The following ELF5 variants were observed in gnomAD, a reference collection of about 807,000 sequenced individuals.
ELF5 encodes E74 like ETS transcription factor 5, also known as ETS-related transcription factor Elf-5.
A neutral mutation model predicts 38.2 loss-of-function variants in ELF5; 31 were observed. The ratio of observed to expected loss-of-function variants is 0.81; its 90% confidence interval spans 0.61 to 1.10. The LOEUF (loss-of-function observed/expected upper bound fraction) is 1.10, where lower values mean the gene tolerates loss of function less well. ELF5 is among the 50% of genes least tolerant of loss of function. The pLI is 0.00. For synonymous variants in ELF5, 121 were observed against 112.5 expected, an observed-to-expected ratio of 1.08 and a Z score of -0.48; for missense variants, 300 against 306.6, an observed-to-expected ratio of 0.98 and a Z score of 0.16.
intron 2 of ELF5, among the ~76,000 whole-genome samples, chr11:34,502,460 T>C (rs1850496525): frequency 6.6e-6 from 1 of 152,214 alleles, no homozygotes; most frequent in Non-Finnish European, 1.5e-5. Flanking sequence ...TCCAAATGGC[T>C]GCACCTCTCT....
chr11:34,511,422 T>A, intron 1 of ELF5: 1 of 1,347,840 alleles, frequency 7.4e-7, no homozygotes, highest in Non-Finnish European at 1.0e-6. Context: ...TGGAATCAGT[T>A]TCCCCCAAAT....
rs1414053475 is a variant in ELF5, at chr11:34,490,007, A to T, written c.406+2T>A. 1 of 1,614,130 alleles carries T rather than the reference A, an allele frequency of 6.2e-7. No homozygotes were observed. Among genetic ancestry groups the T allele is most frequent in the East Asian group, 2.2e-5 (1 of 44,894 alleles). ...TTGGGTGGCTTGCGCTTGGTTACTT[A>T]CAGTCTTTGATGGTGGCCTTGCTTT... On this transcript the variant is annotated splice_donor_variant, in intron 4 of 6. Coordinates refer to ENST00000257832, the MANE Select transcript of ELF5 (RefSeq NM_001422.4). LOFTEE classifies it high-confidence loss of function.
chr11:34,486,746 A>T (rs971377998), intron 4 of ELF5, among the ~76,000 whole-genome samples: 20 of 152,264 alleles, frequency 1.3e-4, no homozygotes, highest in African/African-American at 4.3e-4. Context: ...CAAGGATTAA[A>T]TGTGATAATG....
At chr11:34,504,324 A>G (rs1162898449) in intron 2 of ELF5, among the ~76,000 whole-genome samples, 2 of 152,250 alleles carry the variant, frequency 1.3e-5, no homozygotes, top group East Asian at 3.8e-4. Flanking sequence ...GGAGAATTGT[A>G]AGATGTATCT....
chr11:34,503,272 T>C (rs1449059651), intron 2 of ELF5, among the ~76,000 whole-genome samples: 12 of 146,560 alleles, frequency 8.2e-5, no homozygotes, highest in South Asian at 2.2e-4. Context: ...GATCCTCCTG[T>C]CTCAGCCTCC....
At chr11:34,507,651 A>T (rs556117356) in intron 1 of ELF5, among the ~76,000 whole-genome samples, 1 of 152,324 alleles carries the variant, frequency 6.6e-6, no homozygotes, top group East Asian at 1.9e-4. Flanking sequence ...GCCACTCTCT[A>T]CTGAATCCCA....
chr11:34,497,661 G>T (rs1158044966), intron 2 of ELF5, among the ~76,000 whole-genome samples: 4 of 152,224 alleles, frequency 2.6e-5, no homozygotes, highest in African/African-American at 9.6e-5. Context: ...TCATGCCAAA[G>T]TGCACAATGG....
intron 2 of ELF5, among the ~76,000 whole-genome samples, chr11:34,502,747 T>C (rs1304543171): frequency 6.6e-6 from 1 of 152,220 alleles, no homozygotes; most frequent in Non-Finnish European, 1.5e-5. Context: ...GCTATTTTAT[T>C]TTCACTGGCC....
chr11:34,496,213 C>T (rs959150507), intron 2 of ELF5, among the ~76,000 whole-genome samples: 4 of 152,364 alleles, frequency 2.6e-5, no homozygotes, highest in African/African-American at 9.6e-5. Context: ...GCGCTGGCTC[C>T]CTGCTCCTCG....
chr11:34,492,921 C>T (rs1850212465), intron 3 of ELF5: 2 of 166,754 alleles, frequency 1.2e-5, no homozygotes, highest in Non-Finnish European at 2.7e-5. Context: ...GACATTAGAG[C>T]TCGATGTTCT....
intron 4 of ELF5, among the ~76,000 whole-genome samples, chr11:34,488,096 A>C (rs12797274): frequency 0.22 from 34,085 of 151,998 alleles, 5,035 homozygotes; most frequent in Non-Finnish European, 0.32. Flanking sequence ...TTTAAATGCA[A>C]TCTTTCCCCA....
In ELF5 at chr11:34,511,980, A is replaced by G. The variant is rs1419097849; in HGVS notation, c.-5+1697T>C. Among the ~76,000 whole-genome samples the G allele has an allele frequency of 2.0e-5, 3 of 152,202 alleles. No homozygotes were observed. In the East Asian group the frequency reaches 5.8e-4, roughly 29 times the overall value. On this transcript the variant is annotated intron_variant, in intron 1 of 6. Transcript: ENST00000257832. ...TGCAAAATATAGAAAAAAGTGGCCA[A>G]GATTGGGCTTCCTCAACCCCACCCT... is the stretch of plus-strand genomic sequence containing the variant.
chr11:34,480,736 C>G (rs762636631), intron 6 of ELF5, 36 bp downstream of exon 6: 1 of 1,603,596 alleles, frequency 6.2e-7, no homozygotes, highest in Non-Finnish European at 8.5e-7. Flanking sequence ...TATAACTCTT[C>G]TTGAAGGCTC....
chr11:34,501,660 G>T (rs918006114), intron 2 of ELF5, among the ~76,000 whole-genome samples: 1 of 152,056 alleles, frequency 6.6e-6, no homozygotes, highest in Non-Finnish European at 1.5e-5. Context: ...GGCAAGGCAG[G>T]GTAAGTTCAT....
chr11:34,480,605 TG>T (rs1432423725), intron 6 of ELF5, among the ~76,000 whole-genome samples, 166 bp downstream of exon 6: 1 of 152,192 alleles, frequency 6.6e-6, no homozygotes, highest in Non-Finnish European at 1.5e-5. Flanking sequence ...AAGGACAGCG[TG>T]TCAATTTACA....
rs150004752 is a variant in ELF5, at chr11:34,493,087, A to G, written c.355+392T>C. The G allele has an allele frequency of 6.1e-3, 2,011 of 328,492 alleles. 12 individuals are homozygous for G. Among genetic ancestry groups the G allele is most frequent in the Middle Eastern group, 0.011 (12 of 1,122 alleles). 20.3% of individuals were successfully genotyped at this position (328,492 alleles called of 1,614,324 possible). Reference sequence around the variant, plus strand: ...ATGATAATTAGTTGGACTCCTGTAGAAAAGGGAAGGTAGTCTATTTAATTT... The same window carrying G: ...ATGATAATTAGTTGGACTCCTGTAGGAAAGGGAAGGTAGTCTATTTAATTT... On this transcript the variant is annotated intron_variant, in intron 3 of 6. Transcript: ENST00000257832.
chr11:34,484,481 A>ATACTATCCTATCCTATACTAT (rs111444312), intron 4 of ELF5, among the ~76,000 whole-genome samples: 129 of 115,922 alleles, frequency 1.1e-3, no homozygotes, highest in African/African-American at 4.0e-3. Flanking sequence ...ACACTATACT[A>ATACTATCCTATCCTATACTAT]ACTATACTAT....
intron 4 of ELF5, among the ~76,000 whole-genome samples, chr11:34,486,963 T>A (rs1850011127): frequency 6.6e-6 from 1 of 152,184 alleles, no homozygotes; most frequent in Non-Finnish European, 1.5e-5. Flanking sequence ...TCAGGGAATA[T>A]CTGAGATCAG....
intron 3 of ELF5, 124 bp from the exon 4 acceptor site, chr11:34,490,183 G>T: frequency 9.5e-7 from 1 of 1,055,966 alleles, no homozygotes. Flanking sequence ...TTACAATTTA[G>T]AGGGAACCTT....
Sources: gnomAD v4.1 joint callset for allele counts (sites outside exome capture counted in the v4.1 genomes callset) on GRCh38, gnomAD v4.1.1 for gene constraint, MANE v1.5 for transcripts, NCBI Gene and HGNC (gene_info 2026-07-23, HGNC 2026-07-21) for gene names.